RAPGEF2: variants seen among roughly 807,000 people sequenced by gnomAD.
RAPGEF2 encodes Rap guanine nucleotide exchange factor 2.
RAPGEF2 carries 54 observed loss-of-function variants against 186.7 expected under a neutral mutation model. The ratio of observed to expected loss-of-function variants is 0.29; its 90% confidence interval spans 0.23 to 0.36. RAPGEF2 has a LOEUF of 0.36. Ranked by LOEUF, RAPGEF2 falls within the 10% of genes least tolerant of loss-of-function variation. RAPGEF2 has a pLI of 1.00. For missense variants in RAPGEF2, 1,532 were observed against 2,045.0 expected (o/e 0.75, Z 4.84); for synonymous variants, 712 against 705.9 (o/e 1.01, Z -0.14).
chr4:159,114,382 G>A (rs1436260840), intron 1 of RAPGEF2, among the ~76,000 whole-genome samples: 4 of 152,084 alleles, frequency 2.6e-5, no homozygotes, highest in African/African-American at 4.8e-5. Flanking sequence ...GATTACAGGC[G>A]TGAGCCACTG....
rs188051881 is a variant in RAPGEF2, at chr4:159,206,160, G to C, written c.198-4340G>C. On this transcript the variant is annotated intron_variant, in intron 3 of 29. Transcript: ENST00000691494. ...TTAGCCAGGATGGTCTCGATCTCCTGACCTCGTGATCCACCCACCTCTGCC... is the reference window on the plus strand; with the variant it reads ...TTAGCCAGGATGGTCTCGATCTCCTCACCTCGTGATCCACCCACCTCTGCC... 3.8e-3 allele frequency among the ~76,000 whole-genome samples: 573 copies of C among 152,280 alleles called. 3 individuals are homozygous for C. Among genetic ancestry groups the C allele is most frequent in the African/African-American group, 0.012 (515 of 41,542 alleles).
intron 1 of RAPGEF2, among the ~76,000 whole-genome samples, chr4:159,131,528 T>G (rs1741099513): frequency 6.7e-6 from 1 of 148,788 alleles, no homozygotes; most frequent in Non-Finnish European, 1.5e-5. Flanking sequence ...TATTTTTTTT[T>G]TTTTTTTTTT....
chr4:159,221,658 A>T (rs1751551278), intron 4 of RAPGEF2, among the ~76,000 whole-genome samples: 2 of 152,032 alleles, frequency 1.3e-5, no homozygotes, highest in Non-Finnish European at 2.9e-5. Flanking sequence ...TTTCCCCCTC[A>T]CTCTCAGAGT....
intron 7 of RAPGEF2, among the ~76,000 whole-genome samples, chr4:159,268,581 G>A (rs1391420596): frequency 6.6e-6 from 1 of 152,104 alleles, no homozygotes. Flanking sequence ...AGGTTATTGA[G>A]AACGGGAATC....
At chr4:159,305,833 A>G (rs1763214765) in intron 8 of RAPGEF2, among the ~76,000 whole-genome samples, 2 of 151,970 alleles carry the variant, frequency 1.3e-5, no homozygotes, top group African/African-American at 4.8e-5. Flanking sequence ...TTTTGAGTCG[A>G]TTTTTATTTA....
Position 159,356,052 on chromosome 4 carries a change from T to A in RAPGEF2, c.4851T>A (p.His1617Gln). Residue 1617 changes from histidine (H) to glutamine (Q), a missense_variant, in exon 29 of 30, where the codon CAT becomes CAA. Physicochemically the swap from His to Gln is conservative, Grantham distance 24 (BLOSUM62 0). This residue lies in a region of RAPGEF2 where 594 missense variants were observed against 608.5 expected (regional missense o/e 0.98). Coordinates refer to ENST00000691494, the MANE Select transcript of RAPGEF2 (RefSeq NM_001394067.2). ...GPSSVQQPHG[H>Q]PTSSRPVNKP... ...CATCCGTACAGCAGCCACATGGGCA[T>A]CCCACCAGCAGCAGGCCTGTGAACA... 1 of 1,614,150 alleles carries A rather than the reference T, an allele frequency of 6.2e-7. No individual in the cohort carries two copies.
At chr4:159,253,169 A>G (rs1755672885) in intron 7 of RAPGEF2, among the ~76,000 whole-genome samples, 1 of 152,252 alleles carries the variant, frequency 6.6e-6, no homozygotes, top group Non-Finnish European at 1.5e-5. Context: ...GCTTTCAAAA[A>G]TAAATGTGGG....
rs1044842435 is a variant in RAPGEF2, at chr4:159,358,099, CT to C, written c.4958-14del. On this transcript the variant is annotated splice_polypyrimidine_tract_variant and intron_variant, in intron 29 of 29. Coordinates refer to ENST00000691494, the MANE Select transcript of RAPGEF2 (RefSeq NM_001394067.2). ...TTGCTCATTGATTTCTTTTTCTTCC[CT>C]GCTGTATTTGCAGAAGATGAACAAG... 11 of 1,610,510 alleles carry C rather than the reference CT, an allele frequency of 6.8e-6. No individual in the cohort carries two copies. The Admixed American group carries it at 1.7e-4, about 25-fold the overall frequency.
chr4:159,169,576 C>T (rs868415165), intron 1 of RAPGEF2, among the ~76,000 whole-genome samples: 1 of 151,942 alleles, frequency 6.6e-6, no homozygotes, highest in Middle Eastern at 3.4e-3. Flanking sequence ...TCAACATCTC[C>T]CCAACAGCCC....
intron 1 of RAPGEF2, among the ~76,000 whole-genome samples, chr4:159,123,547 T>C (rs1225904234): frequency 6.6e-6 from 1 of 151,192 alleles, no homozygotes; most frequent in Non-Finnish European, 1.5e-5. Context: ...ATCTTTTTTT[T>C]TTTTTTTTTG....
rs1372822307 is a variant in RAPGEF2, at chr4:159,273,640, T to TTC, written c.543+29851_543+29852dup. Among the ~76,000 whole-genome samples the TTC allele has an allele frequency of 2.7e-5, 3 of 109,216 alleles. No individual in the cohort carries two copies. In the East Asian group the frequency reaches 7.8e-4, roughly 28 times the overall value. 71.6% of individuals were successfully genotyped at this position (109,216 alleles called of 152,430 possible). A position where few individuals can be genotyped will look rare whatever the true frequency, so the allele number is the denominator to read the frequency against. Reference sequence around the variant, plus strand: ...ATCAGTAATCAGTTTCTTTCTTTCTTTCTTTCTTTCTTTCTTTCTTTCTTT... The same window carrying TTC: ...ATCAGTAATCAGTTTCTTTCTTTCTTTCTCTTTCTTTCTTTCTTTCTTTCTTT... On this transcript the variant is annotated intron_variant, in intron 7 of 29. Coordinates refer to ENST00000691494, the MANE Select transcript of RAPGEF2 (RefSeq NM_001394067.2).
intron 6 of RAPGEF2, among the ~76,000 whole-genome samples, chr4:159,241,878 A>G (rs1002071403): frequency 2.0e-5 from 3 of 152,136 alleles, no homozygotes; most frequent in African/African-American, 7.2e-5. Flanking sequence ...ATAGCTTTTT[A>G]TACCTTTATG....
chr4:159,241,164 G>A (rs751576530), intron 5 of RAPGEF2, 37 bp from the exon 6 acceptor site: 94 of 1,421,824 alleles, frequency 6.6e-5, no homozygotes, highest in Non-Finnish European at 7.9e-5. Context: ...GAAATGTTGT[G>A]TTTGGAGAAA....
At chr4:159,297,825 G>T (rs1762204877) in intron 7 of RAPGEF2, among the ~76,000 whole-genome samples, 1 of 152,154 alleles carries the variant, frequency 6.6e-6, no homozygotes, top group Non-Finnish European at 1.5e-5. Context: ...GCATATGTAA[G>T]GTAGATTATT....
intron 4 of RAPGEF2, among the ~76,000 whole-genome samples, chr4:159,220,812 T>C (rs1475753300): frequency 1.3e-5 from 2 of 152,222 alleles, no homozygotes; most frequent in Non-Finnish European, 2.9e-5. Flanking sequence ...AGGCATTTAA[T>C]AAATGTTTGC....
chr4:159,175,224 G>GT lies in RAPGEF2; in HGVS notation c.70-11417dup, dbSNP rs550598253. On this transcript the variant is annotated intron_variant, in intron 1 of 29. Transcript: ENST00000691494. ...TTGTTTTTCTTTTGGGTGTAAATTAGTAAGTTCAGAAACAGTATTTTGCCT... is the reference window on the plus strand; with the variant it reads ...TTGTTTTTCTTTTGGGTGTAAATTAGTTAAGTTCAGAAACAGTATTTTGCCT... Among the ~76,000 whole-genome samples, 284 of 152,218 alleles carry GT rather than the reference G, an allele frequency of 1.9e-3. 1 individual carries two copies. Among genetic ancestry groups the GT allele is most frequent in the African/African-American group, 6.4e-3 (264 of 41,528 alleles).
chr4:159,253,254 A>T (rs1265234514), intron 7 of RAPGEF2, among the ~76,000 whole-genome samples: 1 of 152,234 alleles, frequency 6.6e-6, no homozygotes, highest in Non-Finnish European at 1.5e-5. Flanking sequence ...GGAATTTAAA[A>T]CCATGTTAGT....
At chr4:159,270,335 G>C (rs977481821) in intron 7 of RAPGEF2, among the ~76,000 whole-genome samples, 3 of 152,194 alleles carry the variant, frequency 2.0e-5, no homozygotes, top group Non-Finnish European at 4.4e-5. Context: ...ACTCAATATA[G>C]TTGTTGGGTA....
chr4:159,289,998 C>A (rs569472079), intron 7 of RAPGEF2, among the ~76,000 whole-genome samples: 1 of 152,194 alleles, frequency 6.6e-6, no homozygotes, highest in Admixed American at 6.5e-5. Flanking sequence ...ATAACTTTTT[C>A]CAAAGGGAAA....
Sources: gnomAD v4.1 joint callset for allele counts (sites outside exome capture counted in the v4.1 genomes callset) on GRCh38, gnomAD v4.1.1 for gene constraint, gnomAD v4.1.1 regional missense constraint, MANE v1.5 for transcripts, NCBI Gene and HGNC (gene_info 2026-07-23, HGNC 2026-07-21) for gene names.